Variants in JADE2 observed in about 807,000 individuals in gnomAD.
JADE2 encodes jade family PHD finger 2.
JADE2 carries 13 observed loss-of-function variants against 85.7 expected under a neutral mutation model. The ratio of observed to expected loss-of-function variants is 0.15; its 90% confidence interval spans 0.10 to 0.24. JADE2 has a LOEUF of 0.24. Ranked by LOEUF, JADE2 falls within the 10% of genes least tolerant of loss-of-function variation. JADE2 has a pLI of 1.00. For synonymous variants in JADE2, 440 were observed against 456.1 expected, an observed-to-expected ratio of 0.96 and a Z score of 0.45; for missense variants, 846 against 1,115.9, an observed-to-expected ratio of 0.76 and a Z score of 3.45.
At chr5:134,573,527 GGCTGTGGCGGTAGCCTGT>G in intron 9 of JADE2, 100 bp from the exon 10 acceptor site, 1 of 757,008 alleles carries the variant, frequency 1.3e-6, no homozygotes, top group Non-Finnish European at 2.4e-6. Context: ...GGGCAGGATA[GGCTGTGGCGGTAGCCTGT>G]GCCCCTGGCA....
At chr5:134,548,166 C>T (rs1006759360) in intron 3 of JADE2, among the ~76,000 whole-genome samples, 2 of 152,310 alleles carry the variant, frequency 1.3e-5, no homozygotes, top group South Asian at 2.1e-4. Flanking sequence ...CAGTGGAGAG[C>T]GACTGGAGGC....
intron 1 of JADE2, among the ~76,000 whole-genome samples, chr5:134,535,005 C>G (rs1336317615): frequency 6.6e-6 from 1 of 152,204 alleles, no homozygotes; most frequent in Admixed American, 6.5e-5. Context: ...GGGGATCAGA[C>G]CTCATGGATT....
chr5:134,555,219 T>G (rs1187361415), intron 4 of JADE2, among the ~76,000 whole-genome samples: 1 of 152,084 alleles, frequency 6.6e-6, no homozygotes, highest in Non-Finnish European at 1.5e-5. Flanking sequence ...CAATGAGCAC[T>G]TGTCTCGCCC....
At chr5:134,530,838 G>A (rs1164341819) in intron 1 of JADE2, among the ~76,000 whole-genome samples, 2 of 152,166 alleles carry the variant, frequency 1.3e-5, no homozygotes, top group African/African-American at 4.8e-5. Context: ...TTGGGCCAGG[G>A]TGTTTGTTCC....
intron 9 of JADE2, among the ~76,000 whole-genome samples, chr5:134,573,075 C>G (rs1474735662): frequency 2.0e-5 from 3 of 152,234 alleles, no homozygotes; most frequent in African/African-American, 7.2e-5. Flanking sequence ...ACTTTCTGCT[C>G]AAAGCTCTTC....
chr5:134,536,102 G>A (rs535147893), intron 2 of JADE2, among the ~76,000 whole-genome samples, 187 bp downstream of exon 2: 176 of 152,174 alleles, frequency 1.2e-3, no homozygotes, highest in African/African-American at 4.1e-3. Context: ...TGCACCTTCC[G>A]TGACCTCCAG....
rs367941887 is a variant in JADE2 at position 134,560,468 on chromosome 5, G to C, written c.473-278G>C. Among the ~76,000 whole-genome samples, 73 of 152,316 alleles carry C rather than the reference G, an allele frequency of 4.8e-4. 2 individuals carry two copies. The South Asian group carries it at 0.015, about 31-fold the overall frequency. ...TCCGTGGAGCTGGCCGCATCCCAGA[G>C]ACACTTCCATGTTAATTGTACACAT... On this transcript the variant is annotated intron_variant, in intron 5 of 11. Transcript: ENST00000681547.
At chr5:134,544,817 C>T (rs1035958816) in intron 3 of JADE2, among the ~76,000 whole-genome samples, 2 of 152,006 alleles carry the variant, frequency 1.3e-5, no homozygotes, top group Non-Finnish European at 2.9e-5. Flanking sequence ...CCCCCCACTC[C>T]CCCAAAAAAC....
At chr5:134,525,268 ATGTG>A (rs1024070411), upstream of JADE2, among the ~76,000 whole-genome samples, 5 of 150,412 alleles carry the variant, frequency 3.3e-5, no homozygotes, top group Admixed American at 2.6e-4. Context: ...GGGGCGGGGT[ATGTG>A]TGTGAGTGTG....
intron 1 of JADE2, 90 bp downstream of exon 1, chr5:134,526,101 CCTCGCTCTCTCTTG>C: frequency 1.0e-6 from 1 of 984,786 alleles, no homozygotes; most frequent in Non-Finnish European, 1.2e-6. Flanking sequence ...CTCTTCGCTC[CCTCGCTCTCTCTTG>C]CTCGCTCGCT....
intron 3 of JADE2, among the ~76,000 whole-genome samples, chr5:134,539,723 G>T (rs1424754744): frequency 6.6e-6 from 1 of 152,278 alleles, no homozygotes. Context: ...CCTCGTCATG[G>T]GTTGGAGAGG....
intron 3 of JADE2, among the ~76,000 whole-genome samples, chr5:134,550,960 C>T (rs764289259): frequency 6.6e-6 from 1 of 152,124 alleles, no homozygotes; most frequent in Non-Finnish European, 1.5e-5. Context: ...CACACAAAGC[C>T]GGTCGAGTTA....
Position 134,525,799 on chromosome 5 carries a change from C to G in JADE2, c.-213C>G. ...CACTCCTAGCGGCACCGGCTTAGGT[C>G]CTGCGGGCCGACCGTCCCCGGCGGG... is the stretch of plus-strand genomic sequence containing the variant. On this transcript the variant is annotated 5_prime_UTR_variant, in exon 1 of 12. Transcript: ENST00000681547. The G allele has an allele frequency of 2.9e-6, 3 of 1,033,348 alleles. No individual in the cohort carries two copies. The highest frequency in any genetic ancestry group is 3.5e-6 in the Non-Finnish European group (3 of 856,994). 64.0% of individuals were successfully genotyped at this position (1,033,348 alleles called of 1,614,324 possible).
At position 134,525,987 on chromosome 5, in the gene JADE2, C is replaced by A; in HGVS notation, c.-25C>A. On this transcript the variant is annotated 5_prime_UTR_variant, in exon 1 of 12. Transcript: ENST00000681547. The stretch of plus-strand genomic sequence containing the variant: ...GCGGCGCGTAGCCGAGGGCAGCGCC[C>A]GTCAGGGGGGCACCGCGGAGCAAGG... 2 of 985,558 alleles carry A rather than the reference C, an allele frequency of 2.0e-6. No individual in the cohort carries two copies. Among genetic ancestry groups the A allele is most frequent in the South Asian group, 4.7e-5 (1 of 21,296 alleles). 61.1% of individuals were successfully genotyped at this position (985,558 alleles called of 1,614,324 possible).
chr5:134,556,701 T>G (rs1428496505), intron 4 of JADE2, among the ~76,000 whole-genome samples: 1 of 26,824 alleles, frequency 3.7e-5, no homozygotes, highest in African/African-American at 1.6e-4. Flanking sequence ...ACACAACACA[T>G]ACACACCACA....
intron 9 of JADE2, among the ~76,000 whole-genome samples, chr5:134,571,462 G>A (rs555368940): frequency 3.3e-5 from 5 of 152,318 alleles, no homozygotes; most frequent in Middle Eastern, 3.4e-3. Flanking sequence ...ACTTTGGGAG[G>A]CCAAGGTGGG....
intron 9 of JADE2, among the ~76,000 whole-genome samples, chr5:134,570,087 T>C (rs546084299): frequency 1.3e-5 from 2 of 152,254 alleles, no homozygotes; most frequent in South Asian, 4.1e-4. Flanking sequence ...CCAGCCCTTG[T>C]CCCTCACTGA....
intron 1 of JADE2, 125 bp downstream of exon 1, chr5:134,526,136 C>T (rs1760796232): frequency 1.0e-6 from 1 of 985,410 alleles, no homozygotes; most frequent in East Asian, 1.1e-4. Flanking sequence ...CCCTCTCTCT[C>T]CTGCTGGCTG....
At chr5:134,530,106 CCT>C (rs1373572823) in intron 1 of JADE2, among the ~76,000 whole-genome samples, 6 of 152,190 alleles carry the variant, frequency 3.9e-5, no homozygotes, top group African/African-American at 1.4e-4. Flanking sequence ...AATTACTGTC[CCT>C]GAGAAGGCAT....
Sources: gnomAD v4.1 joint callset for allele counts (sites outside exome capture counted in the v4.1 genomes callset) on GRCh38, gnomAD v4.1.1 for gene constraint, MANE v1.5 for transcripts, NCBI Gene and HGNC (gene_info 2026-07-23, HGNC 2026-07-21) for gene names.